Variants in ZNF385B observed in about 807,000 individuals in gnomAD.
The protein encoded by ZNF385B is zinc finger protein 385B, also known as zinc finger protein 533.
A neutral mutation model predicts 39.2 loss-of-function variants in ZNF385B; 23 were observed. That is an observed-to-expected ratio of 0.59 (90% CI 0.42 to 0.83). The LOEUF is 0.83. ZNF385B is among the 40% of genes least tolerant of loss of function. ZNF385B has a pLI of 0.00. For missense variants in ZNF385B, 552 were observed against 598.9 expected (o/e 0.92, Z 0.82); for synonymous variants, 205 against 222.6 (o/e 0.92, Z 0.70).
At chr2:179,515,713 TCTC>T (rs1395983447) in intron 5 of ZNF385B, among the ~76,000 whole-genome samples, 1 of 152,190 alleles carries the variant, frequency 6.6e-6, no homozygotes, top group African/African-American at 2.4e-5. Context: ...CATAAATTAG[TCTC>T]CTATTTATAA....
chr2:179,491,267 A>G (rs2055193775), intron 5 of ZNF385B, among the ~76,000 whole-genome samples: 1 of 152,186 alleles, frequency 6.6e-6, no homozygotes, highest in African/African-American at 2.4e-5. Context: ...TTTAAATTAT[A>G]TTACAATTTT....
chr2:179,493,480 C>T (rs1043866554), intron 5 of ZNF385B, among the ~76,000 whole-genome samples: 4 of 60,556 alleles, frequency 6.6e-5, no homozygotes, highest in African/African-American at 1.0e-4. Context: ...CATGTGTACA[C>T]ATATGTATAA....
intron 3 of ZNF385B, among the ~76,000 whole-genome samples, chr2:179,710,886 T>C (rs1008443186): frequency 6.6e-6 from 1 of 152,216 alleles, no homozygotes; most frequent in Non-Finnish European, 1.5e-5. Context: ...GAGCCACTTC[T>C]GTACTTAGTA....
intron 5 of ZNF385B, among the ~76,000 whole-genome samples, chr2:179,490,765 A>C (rs2055134920): frequency 6.6e-6 from 1 of 152,204 alleles, no homozygotes; most frequent in South Asian, 2.1e-4. Flanking sequence ...GATTCCCAGC[A>C]ATCTACATTT....
At chr2:179,853,498 A>G (rs73032107) in intron 1 of ZNF385B, among the ~76,000 whole-genome samples, 3,174 of 152,312 alleles carry the variant, frequency 0.021, 94 homozygotes, top group African/African-American at 0.072. Flanking sequence ...CCACATTTCT[A>G]TGCTCTTTCA....
intron 6 of ZNF385B, among the ~76,000 whole-genome samples, chr2:179,448,901 C>T (rs10172950): frequency 0.3 from 46,281 of 151,802 alleles, 7,526 homozygotes; most frequent in African/African-American, 0.41. Context: ...ATTTATTTGG[C>T]GTAAGTGAAA....
At chr2:179,510,760 G>A (rs1370789458) in intron 5 of ZNF385B, among the ~76,000 whole-genome samples, 1 of 152,052 alleles carries the variant, frequency 6.6e-6, no homozygotes. Context: ...GAGGAACAAG[G>A]GATAAAGGAG....
At chr2:179,456,373 T>C (rs1408565640) in intron 6 of ZNF385B, among the ~76,000 whole-genome samples, 2 of 152,202 alleles carry the variant, frequency 1.3e-5, no homozygotes, top group African/African-American at 4.8e-5. Context: ...CTATTGCCTT[T>C]ACCTATCCAA....
chr2:179,625,970 T>C (rs1690628303), intron 3 of ZNF385B, among the ~76,000 whole-genome samples: 1 of 152,066 alleles, frequency 6.6e-6, no homozygotes, highest in Admixed American at 6.6e-5. Flanking sequence ...AGGATGACTT[T>C]ATTTTAAAAA....
intron 3 of ZNF385B, among the ~76,000 whole-genome samples, chr2:179,746,723 A>G (rs1702404537): frequency 6.6e-6 from 1 of 152,132 alleles, no homozygotes. Context: ...TGCTTTTTAT[A>G]ATCCTTTCTG....
At chr2:179,744,936 T>C (rs2106457968) in intron 3 of ZNF385B, among the ~76,000 whole-genome samples, 1 of 152,074 alleles carries the variant, frequency 6.6e-6, no homozygotes, top group East Asian at 1.9e-4. Context: ...CCTTATCTAG[T>C]TGGCTTTCAA....
intron 1 of ZNF385B, among the ~76,000 whole-genome samples, chr2:179,777,011 GC>G (rs1011464952): frequency 2.6e-5 from 4 of 151,866 alleles, no homozygotes; most frequent in African/African-American, 9.7e-5. Context: ...TAAAATAAGT[GC>G]TATGATTAAT....
At chr2:179,816,144 C>T (rs1232480079) in intron 1 of ZNF385B, among the ~76,000 whole-genome samples, 1 of 152,148 alleles carries the variant, frequency 6.6e-6, no homozygotes, top group Non-Finnish European at 1.5e-5. Context: ...CCCAAATTAC[C>T]CATTTAACTA....
chr2:179,456,981 G>A (rs532310723), intron 6 of ZNF385B, among the ~76,000 whole-genome samples: 8 of 151,806 alleles, frequency 5.3e-5, no homozygotes, highest in South Asian at 2.1e-4. Flanking sequence ...ATACATTCAC[G>A]TAAATACAAT....
chr2:179,825,161 G>T (rs1193162864), intron 1 of ZNF385B, among the ~76,000 whole-genome samples: 1 of 152,234 alleles, frequency 6.6e-6, no homozygotes, highest in African/African-American at 2.4e-5. Flanking sequence ...GGTGTTTACA[G>T]ACCCTGAACA....
chr2:179,744,552 T>C (rs933791626), intron 3 of ZNF385B, among the ~76,000 whole-genome samples: 1 of 152,184 alleles, frequency 6.6e-6, no homozygotes, highest in Admixed American at 6.5e-5. Flanking sequence ...GGTTTGCTCC[T>C]GATGCGTCTG....
At chr2:179,733,316 T>G (rs1051559023) in intron 3 of ZNF385B, among the ~76,000 whole-genome samples, 10 of 152,192 alleles carry the variant, frequency 6.6e-5, no homozygotes, top group Admixed American at 6.5e-4. Context: ...TTCCCATCCA[T>G]TAACTGTGAC....
chr2:179,723,211 G>A (rs1700800240), intron 3 of ZNF385B, among the ~76,000 whole-genome samples: 2 of 151,900 alleles, frequency 1.3e-5, no homozygotes, highest in African/African-American at 4.8e-5. Flanking sequence ...AGTATTCTGG[G>A]GCTATAGCAT....
At chr2:179,502,110 T>A (rs1488851690) in intron 5 of ZNF385B, among the ~76,000 whole-genome samples, 4 of 152,184 alleles carry the variant, frequency 2.6e-5, no homozygotes, top group Non-Finnish European at 5.9e-5. Flanking sequence ...TTTCTCCATT[T>A]TGGAATGGCA....
Sources: gnomAD v4.1 joint callset for allele counts (sites outside exome capture counted in the v4.1 genomes callset) on GRCh38, gnomAD v4.1.1 for gene constraint, MANE v1.5 for transcripts, NCBI Gene and HGNC (gene_info 2026-07-23, HGNC 2026-07-21) for gene names.